The following PDZD9 variants were observed in gnomAD, a reference collection of about 807,000 sequenced individuals.
PDZD9 encodes PDZ domain-containing protein 9.
PDZD9 carries 13 observed loss-of-function variants against 16.3 expected under a neutral mutation model. The observed-to-expected ratio is 0.80, with a 90% CI of 0.52 to 1.27. The LOEUF (loss-of-function observed/expected upper bound fraction) is 1.27. PDZD9 is among the 50% of genes most tolerant of loss of function. The pLI, the probability that PDZD9 is intolerant of heterozygous loss-of-function variation, is 0.00. For missense variants in PDZD9, 288 were observed against 310.9 expected (o/e 0.93, Z 0.55); for synonymous variants, 120 against 111.0 (o/e 1.08, Z -0.51).
the PDZD9 span, among the ~76,000 whole-genome samples, chr16:21,966,420 A>G: frequency 2.6e-4 from 39 of 152,190 alleles, no homozygotes; most frequent in African/African-American, 9.2e-4. Flanking sequence ...ACAAGTGTAG[A>G]TATGTGCGTA....
At chr16:21,990,084 C>T (rs1192720798) in intron 2 of PDZD9, among the ~76,000 whole-genome samples, 1 of 152,190 alleles carries the variant, frequency 6.6e-6, no homozygotes, top group East Asian at 1.9e-4. Flanking sequence ...TTGGGAGATT[C>T]TGTCAGACTC....
intron 3 of PDZD9, among the ~76,000 whole-genome samples, chr16:21,987,605 A>G (rs1898910089): frequency 6.6e-6 from 1 of 152,178 alleles, no homozygotes; most frequent in Admixed American, 6.6e-5. Context: ...TGCTATTTCA[A>G]GAAGAGAGTG....
chr16:21,967,103 T>C, the PDZD9 span, among the ~76,000 whole-genome samples: 1 of 152,186 alleles, frequency 6.6e-6, no homozygotes, highest in East Asian at 1.9e-4. Flanking sequence ...TTAATAGTAT[T>C]TTTTAAATGT....
At chr16:21,993,318 C>T (rs574174893) in intron 2 of PDZD9, among the ~76,000 whole-genome samples, 37 of 152,158 alleles carry the variant, frequency 2.4e-4, no homozygotes, top group African/African-American at 8.0e-4. Flanking sequence ...AGTATGCACC[C>T]GGATCATCAC....
chr16:21,962,987 T>C, the PDZD9 span: 1 of 1,364,584 alleles, frequency 7.3e-7, no homozygotes, highest in Non-Finnish European at 9.7e-7. Flanking sequence ...TTATTTTTAT[T>C]TTTATTTATT....
At chr16:21,972,703 C>T in the PDZD9 span, among the ~76,000 whole-genome samples, 11 of 151,792 alleles carry the variant, frequency 7.2e-5, no homozygotes, top group African/African-American at 2.4e-4. Flanking sequence ...GGTGAAACCC[C>T]CATCTCTCCT....
At chr16:21,972,688 A>C in the PDZD9 span, among the ~76,000 whole-genome samples, 1 of 152,112 alleles carries the variant, frequency 6.6e-6, no homozygotes, top group Non-Finnish European at 1.5e-5. Context: ...CAGCCTGGCC[A>C]ACGTGGTGAA....
chr16:21,958,562 A>G, the PDZD9 span: 25 of 1,612,830 alleles, frequency 1.6e-5, no homozygotes, highest in South Asian at 6.6e-5. Context: ...ATCTTTCAAG[A>G]TAACCCGTGG....
downstream of PDZD9, among the ~76,000 whole-genome samples, chr16:21,982,404 GA>G (rs979256003): frequency 5.3e-5 from 8 of 152,266 alleles, no homozygotes; most frequent in Admixed American, 5.2e-4. Context: ...TATTGACCCA[GA>G]CTATTTGCCA....
chr16:21,987,029 A>G (rs532936692), intron 3 of PDZD9, among the ~76,000 whole-genome samples: 30 of 152,368 alleles, frequency 2.0e-4, no homozygotes, highest in African/African-American at 7.2e-4. Context: ...CCCATAGAGC[A>G]TCATTGGCCA....
the PDZD9 span, chr16:21,962,791 C>G: frequency 1.4e-4 from 228 of 1,614,082 alleles, 2 homozygotes; most frequent in Middle Eastern, 1.3e-3. Context: ...TGCTCAATGT[C>G]ACCACAGCAC....
chr16:21,996,016 T>A (rs1899140501), intron 2 of PDZD9, among the ~76,000 whole-genome samples: 1 of 151,900 alleles, frequency 6.6e-6, no homozygotes, highest in Non-Finnish European at 1.5e-5. Flanking sequence ...GGTCTCGAAC[T>A]CCCTACCTCA....
chr16:21,960,215 C>G, the PDZD9 span, among the ~76,000 whole-genome samples: 4 of 152,176 alleles, frequency 2.6e-5, no homozygotes, highest in Admixed American at 2.0e-4. Flanking sequence ...CCACCTTCAT[C>G]GATGATCTTA....
At chr16:21,968,228 G>A in the PDZD9 span, among the ~76,000 whole-genome samples, 1 of 151,974 alleles carries the variant, frequency 6.6e-6, no homozygotes. Context: ...TCTCAAACTC[G>A]TGGCCTCAAA....
At chr16:21,972,215 A>AAC in the PDZD9 span, 1 of 1,444,028 alleles carries the variant, frequency 6.9e-7, no homozygotes, top group Non-Finnish European at 9.4e-7. Flanking sequence ...ATGTAAGACA[A>AAC]ACACACAGAA....
chr16:21,967,012 T>C, the PDZD9 span, among the ~76,000 whole-genome samples: 7,250 of 152,020 alleles, frequency 0.048, 256 homozygotes, highest in Non-Finnish European at 0.074. Flanking sequence ...AAAAGGTCCC[T>C]TTTTTTTAAT....
intron 2 of PDZD9, among the ~76,000 whole-genome samples, chr16:21,991,474 A>G (rs1248977929): frequency 1.3e-5 from 2 of 151,978 alleles, no homozygotes; most frequent in African/African-American, 4.8e-5. Context: ...CCTGAGCTCA[A>G]TTTGCCCGCC....
chr16:21,957,720 C>G, the PDZD9 span, among the ~76,000 whole-genome samples: 2 of 152,192 alleles, frequency 1.3e-5, no homozygotes, highest in African/African-American at 2.4e-5. Flanking sequence ...ATAAGTTTAT[C>G]CTGTTACAGT....
chr16:21,966,999 A>G, the PDZD9 span, among the ~76,000 whole-genome samples: 1 of 152,252 alleles, frequency 6.6e-6, no homozygotes, highest in Non-Finnish European at 1.5e-5. Context: ...ATTAGGACAT[A>G]CCAAAAGGTC....
Sources: allele counts gnomAD v4.1 joint callset (sites outside exome capture counted in the v4.1 genomes callset), GRCh38; gene constraint gnomAD v4.1.1; transcripts MANE v1.5; gene names NCBI Gene and HGNC (gene_info 2026-07-23, HGNC 2026-07-21).